The following PPP2R2A variants were observed in gnomAD, a reference collection of about 807,000 sequenced individuals.
PPP2R2A encodes the protein serine/threonine-protein phosphatase 2A 55 kDa regulatory subunit B alpha isoform.
A neutral mutation model predicts 53.2 loss-of-function variants in PPP2R2A; 9 were observed. The observed-to-expected ratio is 0.17, with a 90% CI of 0.10 to 0.30. The LOEUF (loss-of-function observed/expected upper bound fraction) is 0.30, where lower values mean the gene tolerates loss of function less well. Ranked by LOEUF, PPP2R2A falls within the 10% of genes least tolerant of loss-of-function variation. The pLI, the probability that PPP2R2A is intolerant of heterozygous loss-of-function variation, is 1.00. For synonymous variants in PPP2R2A, 169 were observed against 174.2 expected, an observed-to-expected ratio of 0.97 and a Z score of 0.23; for missense variants, 235 against 534.6, an observed-to-expected ratio of 0.44 and a Z score of 5.53.
intron 2 of PPP2R2A, among the ~76,000 whole-genome samples, chr8:26,318,868 A>G (rs891159164): frequency 1.3e-5 from 2 of 152,234 alleles, no homozygotes; most frequent in African/African-American, 4.8e-5. Context: ...TTGTGGTAAA[A>G]TACACATAAG....
intron 1 of PPP2R2A, chr8:26,292,977 A>G (rs1801374950): frequency 2.5e-6 from 1 of 396,792 alleles, no homozygotes; most frequent in Non-Finnish European, 4.5e-6. Flanking sequence ...TTGTTGAAAA[A>G]TGAAATGAGA....
intron 2 of PPP2R2A, among the ~76,000 whole-genome samples, chr8:26,319,288 T>A (rs1024691571): frequency 5.9e-5 from 9 of 152,210 alleles, no homozygotes; most frequent in African/African-American, 2.2e-4. Context: ...AAGTATCTGT[T>A]CAAGTCCCTG....
intron 9 of PPP2R2A, among the ~76,000 whole-genome samples, chr8:26,367,622 C>T (rs781620655): frequency 7.2e-5 from 11 of 152,184 alleles, no homozygotes; most frequent in Non-Finnish European, 1.3e-4. Flanking sequence ...TAGGTACGTG[C>T]GCATGTGCTC....
chr8:26,337,191 G>C (rs995736279), intron 2 of PPP2R2A, among the ~76,000 whole-genome samples: 52 of 152,168 alleles, frequency 3.4e-4, no homozygotes, highest in African/African-American at 1.1e-3. Flanking sequence ...AGAGATCAAA[G>C]ATAGGTATTT....
intron 3 of PPP2R2A, among the ~76,000 whole-genome samples, chr8:26,353,726 ATT>A (rs1804631386): frequency 6.6e-6 from 1 of 152,240 alleles, no homozygotes; most frequent in African/African-American, 2.4e-5. Flanking sequence ...GATAGCTTAA[ATT>A]ACATTTTTTC....
intron 2 of PPP2R2A, among the ~76,000 whole-genome samples, chr8:26,311,346 A>G (rs1388001344): frequency 6.6e-6 from 1 of 152,208 alleles, no homozygotes. Flanking sequence ...TTTTGGGCAC[A>G]TTTTAGGCAC....
In PPP2R2A at chr8:26,362,910, AG is replaced by A; in HGVS notation, c.802+63del. ...ATTCTGTTTGTCTGAAATAAGCCTC[AG>A]ACATGATAAGTACAATTACAGAGGT... On this transcript the variant is annotated intron_variant, in intron 7 of 9. Coordinates refer to ENST00000380737, the MANE Select transcript of PPP2R2A (RefSeq NM_002717.4). This position sits in a 1 kb window ranked among gnomAD's most constrained non-coding sequence, Gnocchi z 4.4. The A allele has an allele frequency of 6.7e-7, 1 of 1,481,590 alleles. No homozygotes were observed. The highest frequency in any genetic ancestry group is 1.2e-5 in the South Asian group (1 of 85,666). 91.8% of individuals were successfully genotyped at this position (1,481,590 alleles called of 1,614,324 possible). A position where few individuals can be genotyped will look rare whatever the true frequency, so the allele number is the denominator to read the frequency against.
Position 26,363,755 on chromosome 8 carries a change from AT to A in PPP2R2A, c.844del (p.Ser282ProfsTer10). On this transcript the variant is annotated frameshift_variant, in exon 8 of 10. Coordinates refer to ENST00000380737, the MANE Select transcript of PPP2R2A (RefSeq NM_002717.4). LOFTEE classifies it high-confidence loss of function. ...EEPEDPSNRS[F>X]FSEIISSISD... ...AACCTGAAGATCCCAGTAACAGGTC[AT>A]TTTTTTCCGAAATCATCTCCTCTAT... is the stretch of plus-strand genomic sequence containing the variant. 8.1e-6 allele frequency: 13 copies of A among 1,600,288 alleles called. No individual in the cohort carries two copies. The highest frequency in any genetic ancestry group is 1.7e-5 in the Admixed American group (1 of 59,436).
At chr8:26,306,931 A>G (rs563209346) in intron 2 of PPP2R2A, among the ~76,000 whole-genome samples, 1 of 152,228 alleles carries the variant, frequency 6.6e-6, no homozygotes, top group Admixed American at 6.5e-5. Flanking sequence ...CAGAGATGCC[A>G]TCACAGGTTT....
intron 2 of PPP2R2A, among the ~76,000 whole-genome samples, chr8:26,329,723 A>G (rs1376268027): frequency 1.3e-5 from 2 of 152,194 alleles, no homozygotes; most frequent in Non-Finnish European, 2.9e-5. Context: ...TTCTAAGCCT[A>G]CAAACTGTTT....
At chr8:26,357,754 T>C (rs1391693975) in intron 4 of PPP2R2A, among the ~76,000 whole-genome samples, 2 of 151,938 alleles carry the variant, frequency 1.3e-5, no homozygotes, top group East Asian at 3.9e-4. Flanking sequence ...TCTCATACCT[T>C]CTGCTTGTGG....
At chr8:26,335,772 G>T (rs1256013533) in intron 2 of PPP2R2A, among the ~76,000 whole-genome samples, 1 of 152,102 alleles carries the variant, frequency 6.6e-6, no homozygotes, top group Non-Finnish European at 1.5e-5. Context: ...TGCTGTTTGG[G>T]CCAGTTGTTT....
At chr8:26,324,770 G>T (rs1431460576) in intron 2 of PPP2R2A, among the ~76,000 whole-genome samples, 1 of 152,070 alleles carries the variant, frequency 6.6e-6, no homozygotes, top group Non-Finnish European at 1.5e-5. Flanking sequence ...CCAGCAGGGA[G>T]GCTGTACCCT....
chr8:26,308,973 G>C (rs962666092), intron 2 of PPP2R2A, among the ~76,000 whole-genome samples: 9 of 152,056 alleles, frequency 5.9e-5, no homozygotes, highest in Non-Finnish European at 8.8e-5. Flanking sequence ...TGATTCTCCT[G>C]CCTCAGCCTT....
chr8:26,320,405 G>A (rs1407948469), intron 2 of PPP2R2A, among the ~76,000 whole-genome samples: 2 of 152,174 alleles, frequency 1.3e-5, no homozygotes, highest in Non-Finnish European at 2.9e-5. Flanking sequence ...ATAAGCTATT[G>A]GGAGAGGGTA....
chr8:26,364,570 T>G (rs1326475350), intron 8 of PPP2R2A, among the ~76,000 whole-genome samples: 1 of 152,254 alleles, frequency 6.6e-6, no homozygotes, highest in Non-Finnish European at 1.5e-5. Context: ...CACTTAACTC[T>G]AATTTATACA....
intron 2 of PPP2R2A, among the ~76,000 whole-genome samples, chr8:26,324,334 T>C (rs184930242): frequency 6.6e-6 from 1 of 152,324 alleles, no homozygotes; most frequent in East Asian, 1.9e-4. Flanking sequence ...TATTAATTTG[T>C]TTATAGTATG....
chr8:26,370,338 C>T lies in PPP2R2A; in HGVS notation c.1269C>T (p.Ala423=), dbSNP rs1805608774. The change falls in exon 10 of 10, where the codon GCC becomes GCT. Residue 423 remains alanine, a synonymous_variant. Coordinates refer to ENST00000380737, the MANE Select transcript of PPP2R2A (RefSeq NM_002717.4). This position sits in a 1 kb window ranked among gnomAD's most constrained non-coding sequence, Gnocchi z 6.1. ...TCAATAAGAAAATCCTTCACACAGC[C>T]TGGCACCCCAAGGAAAATATCATTG... is the stretch of plus-strand genomic sequence containing the variant. ...LDFNKKILHT[A]WHPKENIIAV... is the part of the protein sequence containing the mutation. 6.2e-7 allele frequency: 1 copy of T among 1,614,062 alleles called. No individual in the cohort carries two copies. Among genetic ancestry groups the T allele is most frequent in the Admixed American group, 1.7e-5 (1 of 59,998 alleles).
chr8:26,350,189 A>C (rs1804420958), intron 3 of PPP2R2A, among the ~76,000 whole-genome samples: 1 of 151,842 alleles, frequency 6.6e-6, no homozygotes, highest in African/African-American at 2.4e-5. Context: ...TCAGCCTCCC[A>C]AGTAGCTGGG....
Sources: allele counts gnomAD v4.1 joint callset (sites outside exome capture counted in the v4.1 genomes callset), GRCh38; gene constraint gnomAD v4.1.1; non-coding constraint Gnocchi (gnomAD v3.1); transcripts MANE v1.5; gene names NCBI Gene and HGNC (gene_info 2026-07-23, HGNC 2026-07-21).